EED: variants seen among roughly 807,000 people sequenced by gnomAD.
EED encodes polycomb protein EED.
Under a neutral mutation model 61.0 loss-of-function variants are expected in EED, and 9 were observed. The ratio of observed to expected loss-of-function variants is 0.15; its 90% CI spans 0.09 to 0.26. The LOEUF is 0.26. Among genes scored for constraint, EED ranks in the 10% least tolerant of loss-of-function variants. The probability of loss-of-function intolerance (pLI) is 1.00; values close to 1 mark genes in which losing one functional copy is unlikely to be tolerated. For synonymous variants in EED, 187 were observed against 174.4 expected, an observed-to-expected ratio of 1.07 and a Z score of -0.57; for missense variants, 315 against 542.3, an observed-to-expected ratio of 0.58 and a Z score of 4.16.
chr11:86,267,111 A>T (rs1360473960), intron 8 of EED, among the ~76,000 whole-genome samples: 1 of 152,214 alleles, frequency 6.6e-6, no homozygotes, highest in African/African-American at 2.4e-5. Context: ...TCTGGAATAA[A>T]TACAAACTAT....
chr11:86,262,151 G>A (rs1368305745), intron 6 of EED, among the ~76,000 whole-genome samples: 1 of 151,986 alleles, frequency 6.6e-6, no homozygotes, highest in East Asian at 1.9e-4. Context: ...GAAAGTGTTG[G>A]GATTACAGGT....
chr11:86,252,089 T>G, intron 2 of EED, 59 bp from the exon 3 acceptor site: 1 of 1,395,608 alleles, frequency 7.2e-7, no homozygotes, highest in Non-Finnish European at 1.0e-6. Flanking sequence ...GTTAGTTTAC[T>G]GTCATTTTCT....
chr11:86,268,265 A>G (rs1946031205), intron 8 of EED, 191 bp from the exon 9 acceptor site: 1 of 454,894 alleles, frequency 2.2e-6, no homozygotes, highest in Admixed American at 4.0e-5. Flanking sequence ...AATAATGGAG[A>G]AAAATAAACA....
rs894868396 is a variant in EED, at chr11:86,249,964, T to TCC, written c.115-331_115-330dup. Among the ~76,000 whole-genome samples, 11 of 152,210 alleles carry TCC rather than the reference T, an allele frequency of 7.2e-5. 1 individual carries two copies. Among genetic ancestry groups the TCC allele is most frequent in the African/African-American group, 2.7e-4 (11 of 41,458 alleles). ...AGACCAGTTAGGCTTTTTCAGCACT[T>TCC]CCAGTACCTTTTGTAAAGAGCTGTA... On this transcript the variant is annotated intron_variant, in intron 1 of 11. Transcript: ENST00000263360.
intron 1 of EED, 96 bp downstream of exon 1, chr11:86,245,439 G>A (rs572627087): frequency 7.3e-6 from 7 of 964,182 alleles, no homozygotes; most frequent in Admixed American, 7.2e-5. Context: ...GCTGTGGGGG[G>A]AGGGAGAGGT....
At chr11:86,276,036 A>G (rs1946220614) in intron 9 of EED, 1 of 152,210 alleles carries the variant, frequency 6.6e-6, no homozygotes, top group Admixed American at 6.5e-5. Context: ...CTGTTCACTT[A>G]CATGAGGATT....
intron 9 of EED, chr11:86,270,056 T>G: frequency 2.9e-6 from 2 of 695,730 alleles, no homozygotes; most frequent in Non-Finnish European, 5.2e-6. Context: ...GTTTAGTTTT[T>G]TAAGAAACTG....
chr11:86,269,442 G>A (rs1204782593), intron 9 of EED, among the ~76,000 whole-genome samples: 1 of 152,090 alleles, frequency 6.6e-6, no homozygotes, highest in South Asian at 2.1e-4. Context: ...ATTGCTGTCC[G>A]GTTTCTTTTC....
At chr11:86,285,774 T>G in the EED span, among the ~76,000 whole-genome samples, 1 of 151,716 alleles carries the variant, frequency 6.6e-6, no homozygotes, top group Non-Finnish European at 1.5e-5. Context: ...ATTTTTGTAT[T>G]TTTAGTAGAG....
At chr11:86,262,133 C>T (rs1945847445) in intron 6 of EED, among the ~76,000 whole-genome samples, 1 of 152,124 alleles carries the variant, frequency 6.6e-6, no homozygotes. Context: ...CCTTCCACCT[C>T]AGCCTTCGAA....
chr11:86,254,502 G>C (rs1050760912), intron 3 of EED, among the ~76,000 whole-genome samples: 11 of 151,678 alleles, frequency 7.3e-5, no homozygotes, highest in Non-Finnish European at 1.3e-4. Flanking sequence ...TGTATTTTTA[G>C]TAGAGACGGG....
rs534330071 is a variant in EED, at chr11:86,255,658, T to A, written c.426+371T>A. On this transcript the variant is annotated intron_variant, in intron 4 of 11. Transcript: ENST00000263360. ...ATATATCATTTCATTGTAGTTATAA[T>A]GATGAACTTGGCTTGTGACTGGTAG... Among the ~76,000 whole-genome samples, 12 of 152,100 alleles carry A rather than the reference T, an allele frequency of 7.9e-5. No homozygotes were observed. The South Asian group carries it at 2.5e-3, about 32-fold the overall frequency.
At chr11:86,275,763 T>C (rs1036753105) in intron 9 of EED, among the ~76,000 whole-genome samples, 10 of 152,304 alleles carry the variant, frequency 6.6e-5, no homozygotes, top group Middle Eastern at 3.4e-3. Context: ...CTCCACAGAC[T>C]ATTGATCCAA....
Position 86,268,449 on chromosome 11 carries a change from C to G in EED, c.861-7C>G. ...TTTAACTTTTTACATTTCCATTCTT[C>G]CTTCAGGCCATTTATTTCTCAGAAA... On this transcript the variant is annotated splice_region_variant and splice_polypyrimidine_tract_variant and intron_variant, in intron 8 of 11. Coordinates refer to ENST00000263360, the MANE Select transcript of EED (RefSeq NM_003797.5). 2 of 1,529,830 alleles carry G rather than the reference C, an allele frequency of 1.3e-6. No individual in the cohort carries two copies. Among genetic ancestry groups the G allele is most frequent in the Non-Finnish European group, 1.8e-6 (2 of 1,119,396 alleles). 94.8% of individuals were successfully genotyped at this position (1,529,830 alleles called of 1,614,324 possible). A position where few individuals can be genotyped will look rare whatever the true frequency, so the allele number is the denominator to read the frequency against.
At chr11:86,286,657 T>A in the EED span, among the ~76,000 whole-genome samples, 1 of 152,090 alleles carries the variant, frequency 6.6e-6, no homozygotes, top group East Asian at 1.9e-4. Context: ...TAAATTTTTT[T>A]TAATGCAACC....
At chr11:86,248,580 AATTT>A (rs548499519) in intron 1 of EED, among the ~76,000 whole-genome samples, 167 of 152,348 alleles carry the variant, frequency 1.1e-3, no homozygotes, top group African/African-American at 3.8e-3. Flanking sequence ...AAACAGTACA[AATTT>A]ATTAATATAT....
intron 9 of EED, among the ~76,000 whole-genome samples, chr11:86,275,094 C>G (rs780252465): frequency 1.1e-4 from 16 of 152,102 alleles, no homozygotes; most frequent in Non-Finnish European, 2.2e-4. Context: ...TCTCTCTTAT[C>G]TAGTCTGGAA....
Position 86,266,121 on chromosome 11 carries a change from T to G in EED, c.765T>G (p.Gly255=). The change falls in exon 8 of 12, where the codon GGT becomes GGG. Residue 255 remains glycine (G), a synonymous_variant. Coordinates refer to ENST00000263360, the MANE Select transcript of EED (RefSeq NM_003797.5). ...DLLGEKIMSC[G]MDHSLKLWRI... ...TGGGTGAAAAAATAATGTCCTGTGG[T>G]ATGGATCATTCTCTTAAACTTTGGA... 1 of 1,607,974 alleles carries G rather than the reference T, an allele frequency of 6.2e-7. No individual in the cohort carries two copies. The highest frequency in any genetic ancestry group is 8.5e-7 in the Non-Finnish European group (1 of 1,176,190).
intron 3 of EED, among the ~76,000 whole-genome samples, chr11:86,254,945 G>A (rs1473138359): frequency 6.6e-6 from 1 of 152,164 alleles, no homozygotes; most frequent in Non-Finnish European, 1.5e-5. Flanking sequence ...TAATAGAGAT[G>A]GGGTTTTGCT....
Sources: gnomAD v4.1 joint callset for allele counts (sites outside exome capture counted in the v4.1 genomes callset) on GRCh38, gnomAD v4.1.1 for gene constraint, MANE v1.5 for transcripts, NCBI Gene and HGNC (gene_info 2026-07-23, HGNC 2026-07-21) for gene names.